LRRFIP1: variants seen among roughly 807,000 people sequenced by gnomAD.
The protein encoded by LRRFIP1 is LRR binding FLII interacting protein 1.
Under a neutral mutation model 104.4 loss-of-function variants are expected in LRRFIP1, and 62 were observed. The ratio of observed to expected loss-of-function variants is 0.59; its 90% CI spans 0.48 to 0.73. The LOEUF is 0.73. LRRFIP1 is among the 30% of genes least tolerant of loss of function. LRRFIP1 has a pLI of 0.00. For synonymous variants in LRRFIP1, 300 were observed against 299.0 expected (o/e 1.00, Z -0.03); for missense variants, 796 against 824.5 (o/e 0.97, Z 0.42).
intron 18 of LRRFIP1, among the ~76,000 whole-genome samples, chr2:237,759,858 A>T (rs1209601162): frequency 1.3e-5 from 2 of 152,148 alleles, no homozygotes; most frequent in African/African-American, 4.8e-5. Flanking sequence ...ACATCTGAGA[A>T]AGAAGTAGCC....
At chr2:237,705,664 C>CA (rs572956705) in intron 1 of LRRFIP1, among the ~76,000 whole-genome samples, 11,632 of 136,182 alleles carry the variant, frequency 0.085, 1,466 homozygotes, top group African/African-American at 0.28. Context: ...ACCCTGTCTC[C>CA]AAAAAAAAAA....
chr2:237,771,468 G>A (rs1559862561), intron 20 of LRRFIP1, among the ~76,000 whole-genome samples: 1 of 151,486 alleles, frequency 6.6e-6, no homozygotes, highest in African/African-American at 2.4e-5. Flanking sequence ...GAGAATGCAG[G>A]TAGGTTTCTG....
At chr2:237,634,336 T>C (rs2082797956) in intron 1 of LRRFIP1, among the ~76,000 whole-genome samples, 1 of 152,260 alleles carries the variant, frequency 6.6e-6, no homozygotes, top group Non-Finnish European at 1.5e-5. Flanking sequence ...GCCAGCTCCC[T>C]ACTTTCCTTC....
At chr2:237,710,780 C>T (rs2094037962) in intron 2 of LRRFIP1, among the ~76,000 whole-genome samples, 2 of 152,290 alleles carry the variant, frequency 1.3e-5, no homozygotes, top group East Asian at 1.9e-4. Flanking sequence ...AGCAAAGCAT[C>T]CCTTTATTCC....
At chr2:237,749,051 A>T in intron 12 of LRRFIP1, 148 bp from the exon 13 acceptor site, 1 of 721,256 alleles carries the variant, frequency 1.4e-6, no homozygotes, top group Non-Finnish European at 2.2e-6. Flanking sequence ...CGAGAACAGC[A>T]TGGGGGAAAC....
At chr2:237,776,385 A>G (rs564848072) in intron 23 of LRRFIP1, among the ~76,000 whole-genome samples, 8 of 152,192 alleles carry the variant, frequency 5.3e-5, no homozygotes, top group Non-Finnish European at 1.0e-4. Flanking sequence ...AATGTCTCCA[A>G]TGTGGTTAAG....
At chr2:237,745,124 T>C (rs1489047102) in intron 11 of LRRFIP1, among the ~76,000 whole-genome samples, 1 of 152,174 alleles carries the variant, frequency 6.6e-6, no homozygotes, top group Non-Finnish European at 1.5e-5. Flanking sequence ...GAAAGGGGGC[T>C]TGGTTAAGGT....
chr2:237,634,655 A>G (rs2082845350), intron 1 of LRRFIP1, among the ~76,000 whole-genome samples: 1 of 152,220 alleles, frequency 6.6e-6, no homozygotes, highest in African/African-American at 2.4e-5. Context: ...GGTGATGATG[A>G]TGATCTTGCC....
At chr2:237,696,410 T>A (rs2093188620) in intron 1 of LRRFIP1, among the ~76,000 whole-genome samples, 1 of 152,204 alleles carries the variant, frequency 6.6e-6, no homozygotes, top group African/African-American at 2.4e-5. Context: ...TTAGCATGCT[T>A]GTCTTCTCAT....
chr2:237,731,811 T>C (rs906138526), intron 8 of LRRFIP1, among the ~76,000 whole-genome samples: 11 of 152,200 alleles, frequency 7.2e-5, no homozygotes, highest in African/African-American at 2.4e-4. Flanking sequence ...AACATCAGAA[T>C]GAGAGCTGAC....
chr2:237,703,786 T>C lies in LRRFIP1; in HGVS notation c.97-4758T>C, dbSNP rs1031239212. Reference sequence around the variant, plus strand: ...ACCACATTTCAGAAATCCCTCCCACTGTCTCAAGCAGTGCTGAGACAGCAT... The same window carrying C: ...ACCACATTTCAGAAATCCCTCCCACCGTCTCAAGCAGTGCTGAGACAGCAT... On this transcript the variant is annotated intron_variant, in intron 1 of 23. Transcript: ENST00000308482. This position sits in a 1 kb window ranked among gnomAD's most constrained non-coding sequence, Gnocchi z 4.3. Among the ~76,000 whole-genome samples the C allele has an allele frequency of 6.6e-6, 1 of 152,024 alleles. No individual in the cohort carries two copies. The highest frequency in any genetic ancestry group is 2.4e-5 in the African/African-American group (1 of 41,370).
chr2:237,662,174 A>G (rs555021451), intron 1 of LRRFIP1, among the ~76,000 whole-genome samples: 2 of 152,002 alleles, frequency 1.3e-5, no homozygotes, highest in African/African-American at 4.8e-5. Flanking sequence ...TAGACACATC[A>G]CACCAGGCTC....
chr2:237,759,515 C>T lies in LRRFIP1; in HGVS notation c.1318-549C>T, dbSNP rs533945887. Among the ~76,000 whole-genome samples the T allele has an allele frequency of 8.5e-5, 13 of 152,284 alleles. No individual in the cohort carries two copies. The South Asian group carries it at 1.2e-3, about 15-fold the overall frequency. On this transcript the variant is annotated intron_variant, in intron 18 of 23. Coordinates refer to ENST00000308482, the MANE Select transcript of LRRFIP1 (RefSeq NM_001137550.2). ...CACACAAGGGAGAGAGAGCCACAGGCGGCAGGAGGGCATGGGTGAGTGATG... is the reference window on the plus strand; with the variant it reads ...CACACAAGGGAGAGAGAGCCACAGGTGGCAGGAGGGCATGGGTGAGTGATG...
chr2:237,723,010 A>G (rs1466252930), intron 6 of LRRFIP1, among the ~76,000 whole-genome samples: 1 of 152,154 alleles, frequency 6.6e-6, no homozygotes, highest in African/African-American at 2.4e-5. Flanking sequence ...GTAAGATCGT[A>G]TCTTTTATTT....
intron 1 of LRRFIP1, among the ~76,000 whole-genome samples, chr2:237,646,069 C>A (rs868288449): frequency 1.3e-5 from 2 of 151,874 alleles, no homozygotes; most frequent in Non-Finnish European, 2.9e-5. Flanking sequence ...TTAATATGCA[C>A]CATGTGTCTA....
chr2:237,714,123 GT>G, intron 2 of LRRFIP1, 135 bp from the exon 3 acceptor site: 1 of 572,728 alleles, frequency 1.7e-6, no homozygotes, highest in Non-Finnish European at 3.1e-6. Context: ...GACCTCACCT[GT>G]TTTCTTATTC....
At position 237,723,521 on chromosome 2, in the gene LRRFIP1, T is replaced by A. The variant is rs546496341; in HGVS notation, c.346-27T>A. On this transcript the variant is annotated intron_variant, in intron 6 of 23. Transcript: ENST00000308482. ...TGGCAACTCTCTTTGCTGTTGTTTT[T>A]TTTTTCTGCCATCTTTCTTCTGACA... is the stretch of plus-strand genomic sequence containing the variant. 33 of 1,613,586 alleles carry A rather than the reference T, an allele frequency of 2.0e-5. No individual in the cohort carries two copies. The South Asian group carries it at 2.7e-4, about 13-fold the overall frequency.
intron 1 of LRRFIP1, among the ~76,000 whole-genome samples, chr2:237,700,604 C>CG (rs1433023289): frequency 1.3e-5 from 2 of 152,114 alleles, no homozygotes; most frequent in Admixed American, 1.3e-4. Flanking sequence ...AGCTGGCAAA[C>CG]GGCTTCTCTC....
chr2:237,739,160 T>C (rs545593962), intron 10 of LRRFIP1, 72 bp from the exon 11 acceptor site: 2 of 1,370,576 alleles, frequency 1.5e-6, no homozygotes, highest in Non-Finnish European at 2.0e-6. Context: ...TCGGCCTCTA[T>C]TCTCCTTGCT....
Sources: gnomAD v4.1 joint callset for allele counts (sites outside exome capture counted in the v4.1 genomes callset) on GRCh38, gnomAD v4.1.1 for gene constraint, Gnocchi (gnomAD v3.1) non-coding constraint, MANE v1.5 for transcripts, NCBI Gene and HGNC (gene_info 2026-07-23, HGNC 2026-07-21) for gene names.